Variants in ELAVL4 observed in about 807,000 individuals in gnomAD.
The protein encoded by ELAVL4 is ELAV-like protein 4.
A neutral mutation model predicts 35.6 loss-of-function variants in ELAVL4; 1 was observed. The observed-to-expected ratio is 0.03, with a 90% CI of 0.01 to 0.13. The LOEUF (loss-of-function observed/expected upper bound fraction) is 0.13, where lower values mean the gene tolerates loss of function less well. ELAVL4 is among the 10% of genes least tolerant of loss of function. ELAVL4 has a pLI of 1.00. For synonymous variants in ELAVL4, 156 were observed against 171.0 expected (o/e 0.91, Z 0.69); for missense variants, 267 against 464.9 (o/e 0.57, Z 3.91).
chr1:50,122,231 A>T (rs1669158366), intron 1 of ELAVL4, among the ~76,000 whole-genome samples: 1 of 151,962 alleles, frequency 6.6e-6, no homozygotes. Flanking sequence ...TTAGCTCTGT[A>T]CTCCTCTACA....
At chr1:50,134,760 T>C (rs534261852) in intron 1 of ELAVL4, among the ~76,000 whole-genome samples, 29 of 152,268 alleles carry the variant, frequency 1.9e-4, no homozygotes, top group African/African-American at 6.7e-4. Flanking sequence ...ATCTTTATAA[T>C]GTGCTGAATG....
At chr1:50,116,130 A>C (rs569451813) in intron 1 of ELAVL4, among the ~76,000 whole-genome samples, 1 of 152,148 alleles carries the variant, frequency 6.6e-6, no homozygotes, top group Non-Finnish European at 1.5e-5. Flanking sequence ...CTTCAGCCTC[A>C]GGAAGAAATA....
rs539914390 is a variant in ELAVL4, at chr1:50,063,062, A to G, written c.18+14880A>G. Among the ~76,000 whole-genome samples, 30 of 152,232 alleles carry G rather than the reference A, an allele frequency of 2.0e-4. No homozygotes were observed. In the South Asian group the frequency reaches 6.2e-3, roughly 32 times the overall value. Reference sequence around the variant, plus strand: ...TGGATTCTAAACAAATGTAACCTGAATGTCCTCTAGACCCCTCCAGTTGGA... The same window carrying G: ...TGGATTCTAAACAAATGTAACCTGAGTGTCCTCTAGACCCCTCCAGTTGGA... On this transcript the variant is annotated intron_variant, in intron 1 of 6. Coordinates refer to the ELAVL4 transcript ENST00000448907.
rs35896145 is a variant in ELAVL4, at chr1:50,154,752, TTGTGTGTG to T, written c.250+9581_250+9588del. Among the ~76,000 whole-genome samples the T allele has an allele frequency of 3.9e-3, 578 of 147,332 alleles. 1 individual carries two copies. Among genetic ancestry groups the T allele is most frequent in the Middle Eastern group, 6.8e-3 (2 of 292 alleles). The stretch of plus-strand genomic sequence containing the variant: ...CCTGGTTTGTTGTTGTTGTTATATT[TTGTGTGTG>T]TGTGTGTGTGTGTGTGTGTGTGTGT... On this transcript the variant is annotated intron_variant, in intron 2 of 6. Coordinates refer to ENST00000371824, the MANE Select transcript of ELAVL4 (RefSeq NM_001144774.3).
chr1:50,154,493 G>T lies in ELAVL4; in HGVS notation c.250+9296G>T, dbSNP rs112111277. 3.7e-3 allele frequency among the ~76,000 whole-genome samples: 560 copies of T among 152,296 alleles called. 8 individuals are homozygous for T. Among genetic ancestry groups the T allele is most frequent in the African/African-American group, 0.013 (543 of 41,550 alleles). Reference sequence around the variant, plus strand: ...CATAAACACAAAGTGGATACAGCTAGCTAGGGTAATAACTCTAATTCCTAT... The same window carrying T: ...CATAAACACAAAGTGGATACAGCTATCTAGGGTAATAACTCTAATTCCTAT... On this transcript the variant is annotated intron_variant, in intron 2 of 6. Transcript: ENST00000371824.
At chr1:50,137,036 A>C (rs761691190) in intron 1 of ELAVL4, among the ~76,000 whole-genome samples, 4 of 152,150 alleles carry the variant, frequency 2.6e-5, no homozygotes, top group Non-Finnish European at 5.9e-5. Flanking sequence ...CAAAACAATA[A>C]CGTGGGGTCG....
intron 2 of ELAVL4, among the ~76,000 whole-genome samples, chr1:50,176,835 G>T (rs577562310): frequency 7.3e-4 from 111 of 152,300 alleles, no homozygotes; most frequent in African/African-American, 2.6e-3. Context: ...GCTGTGCAGG[G>T]GCACTTACCC....
chr1:50,133,651 GAGAAAGA>G (rs1671387333), intron 1 of ELAVL4, among the ~76,000 whole-genome samples: 1 of 91,882 alleles, frequency 1.1e-5, no homozygotes, highest in South Asian at 3.7e-4. Flanking sequence ...AAGAAAGAAA[GAGAAAGA>G]AAGAAAGAAA....
Position 50,203,549 on chromosome 1 carries a change from T to C in ELAVL4, c.*2371T>C, listed in dbSNP as rs1644472076. Reference sequence around the variant, plus strand: ...TTAGTGGGAAAGGCATGCCAAAATCTTCTCTATAATGTGTTCAATCTTGGG... The same window carrying C: ...TTAGTGGGAAAGGCATGCCAAAATCCTCTCTATAATGTGTTCAATCTTGGG... On this transcript the variant is annotated 3_prime_UTR_variant, in exon 7 of 7. Transcript: ENST00000371824. 1 of 152,078 alleles carries C rather than the reference T, an allele frequency of 6.6e-6. No homozygotes were observed. Among genetic ancestry groups the C allele is most frequent in the Non-Finnish European group, 1.5e-5 (1 of 67,992 alleles). The allele number at this position is 152,078 out of a possible 1,614,324, so 9.4% of individuals were successfully genotyped here.
intron 1 of ELAVL4, among the ~76,000 whole-genome samples, chr1:50,062,234 G>A (rs1412027689): frequency 1.3e-5 from 2 of 152,170 alleles, no homozygotes; most frequent in African/African-American, 4.8e-5. Flanking sequence ...AGGAGAATAA[G>A]CAGATAGCAT....
At chr1:50,066,122 T>C (rs1472110677) in intron 1 of ELAVL4, among the ~76,000 whole-genome samples, 1 of 152,144 alleles carries the variant, frequency 6.6e-6, no homozygotes, top group Non-Finnish European at 1.5e-5. Context: ...GTAAAGATTG[T>C]GCTAGTTTTG....
intron 1 of ELAVL4, among the ~76,000 whole-genome samples, chr1:50,096,779 T>C (rs952592494): frequency 2.0e-5 from 3 of 152,162 alleles, no homozygotes; most frequent in African/African-American, 7.2e-5. Context: ...TCCTCACAAG[T>C]TTAGGCATTA....
At chr1:50,073,669 CACAT>C (rs1400877160) in intron 1 of ELAVL4, among the ~76,000 whole-genome samples, 1 of 152,132 alleles carries the variant, frequency 6.6e-6, no homozygotes, top group African/African-American at 2.4e-5. Context: ...CACGTACACA[CACAT>C]ACACACGAAA....
At chr1:50,193,232 G>A (rs1254413974) in intron 3 of ELAVL4, among the ~76,000 whole-genome samples, 1 of 152,138 alleles carries the variant, frequency 6.6e-6, no homozygotes, top group Admixed American at 6.5e-5. Flanking sequence ...CATGGGAACA[G>A]ACTGGAGCAA....
chr1:50,065,795 G>C (rs1425430047), intron 1 of ELAVL4, among the ~76,000 whole-genome samples: 1 of 152,150 alleles, frequency 6.6e-6, no homozygotes. Flanking sequence ...TAGCTCTGCT[G>C]ATCATGACCA....
Position 50,058,510 on chromosome 1 carries a change from T to A in ELAVL4, c.18+10328T>A, listed in dbSNP as rs1451036374. Among the ~76,000 whole-genome samples the A allele has an allele frequency of 7.3e-5, 11 of 151,136 alleles. No individual in the cohort carries two copies. The East Asian group carries it at 1.8e-3, about 24-fold the overall frequency. On this transcript the variant is annotated intron_variant, in intron 1 of 6. Transcript: ENST00000448907. Reference sequence around the variant, plus strand: ...TGGAAAGGTTGTTATAAAGGGAGCATGAAAATTGAAGATTAAAAAGTAAAA... The same window carrying A: ...TGGAAAGGTTGTTATAAAGGGAGCAAGAAAATTGAAGATTAAAAAGTAAAA...
intron 1 of ELAVL4, among the ~76,000 whole-genome samples, chr1:50,142,869 G>A (rs1211499089): frequency 6.6e-6 from 1 of 152,124 alleles, no homozygotes; most frequent in Non-Finnish European, 1.5e-5. Context: ...CAATCCAAAT[G>A]TTCATCAACA....
upstream of ELAVL4, chr1:50,106,176 A>G: frequency 3.2e-6 from 2 of 627,780 alleles, no homozygotes; most frequent in Non-Finnish European, 5.2e-6. Context: ...TGTGCCACGT[A>G]AGGCTTCTCC....
chr1:50,157,180 A>G (rs1176256214), intron 2 of ELAVL4, among the ~76,000 whole-genome samples: 2 of 152,196 alleles, frequency 1.3e-5, no homozygotes, highest in African/African-American at 4.8e-5. Flanking sequence ...GTAACATGAT[A>G]AAGTGGAAGG....
Sources: allele counts gnomAD v4.1 joint callset (sites outside exome capture counted in the v4.1 genomes callset), GRCh38; gene constraint gnomAD v4.1.1; transcripts MANE v1.5; gene names NCBI Gene and HGNC (gene_info 2026-07-23, HGNC 2026-07-21).